FER1L6: variants seen among roughly 807,000 people sequenced by gnomAD.
The protein encoded by FER1L6 is fer-1 like family member 6, also known as fer-1-like protein 6.
A neutral mutation model predicts 219.2 loss-of-function variants in FER1L6; 177 were observed. That is an observed-to-expected ratio of 0.81 (90% CI 0.71 to 0.91). FER1L6 has a LOEUF of 0.91. Ranked by LOEUF, FER1L6 falls within the 40% of genes least tolerant of loss-of-function variation. FER1L6 has a pLI of 0.00. For synonymous variants in FER1L6, 768 were observed against 824.3 expected, an observed-to-expected ratio of 0.93 and a Z score of 1.17; for missense variants, 2,153 against 2,259.9, an observed-to-expected ratio of 0.95 and a Z score of 0.96.
In FER1L6 at chr8:123,993,160, C is replaced by T. The variant is rs183275948; in HGVS notation, c.1519+6984C>T. On this transcript the variant is annotated intron_variant, in intron 12 of 40. Coordinates refer to ENST00000522917, the MANE Select transcript of FER1L6 (RefSeq NM_001039112.2). Reference sequence around the variant, plus strand: ...TGTGCTGATAAGAAGAATGTATATCCGGCCGGGCGCGGTGGCTCACGCCTG... The same window carrying T: ...TGTGCTGATAAGAAGAATGTATATCTGGCCGGGCGCGGTGGCTCACGCCTG... 4.8e-3 allele frequency among the ~76,000 whole-genome samples: 733 copies of T among 152,200 alleles called. 3 individuals are homozygous for T. The highest frequency in any genetic ancestry group is 0.012 in the African/African-American group (495 of 41,544).
At chr8:124,067,357 T>C (rs948853180) in intron 27 of FER1L6, among the ~76,000 whole-genome samples, 9 of 152,226 alleles carry the variant, frequency 5.9e-5, no homozygotes, top group African/African-American at 2.2e-4. Context: ...CCTTTCCCCT[T>C]TCTCTGCTAA....
chr8:123,986,290 T>A (rs1396077997), intron 12 of FER1L6, 114 bp downstream of exon 12: 1 of 629,016 alleles, frequency 1.6e-6, no homozygotes, highest in Admixed American at 2.9e-5. Context: ...GAGGTTTGCA[T>A]CTCAGAATGA....
At chr8:123,903,697 A>G (rs1194458884) in intron 1 of FER1L6, among the ~76,000 whole-genome samples, 1 of 152,116 alleles carries the variant, frequency 6.6e-6, no homozygotes, top group African/African-American at 2.4e-5. Context: ...TATGAAGTCT[A>G]CGCTTACGTA....
intron 1 of FER1L6, among the ~76,000 whole-genome samples, chr8:123,908,648 T>C (rs1813000347): frequency 6.6e-6 from 1 of 152,238 alleles, no homozygotes; most frequent in African/African-American, 2.4e-5. Flanking sequence ...TAACCATATC[T>C]TAGGCAGTGT....
At chr8:124,003,659 G>T (rs1376251548) in intron 13 of FER1L6, among the ~76,000 whole-genome samples, 1 of 151,764 alleles carries the variant, frequency 6.6e-6, no homozygotes. Context: ...AGTAGAGATG[G>T]AGTTTCACTG....
chr8:124,087,038 T>C (rs1821813742), intron 33 of FER1L6, among the ~76,000 whole-genome samples: 2 of 152,222 alleles, frequency 1.3e-5, no homozygotes, highest in Non-Finnish European at 2.9e-5. Flanking sequence ...CTTTGGGAGT[T>C]TGATTATTAA....
intron 2 of FER1L6, among the ~76,000 whole-genome samples, chr8:123,961,199 G>C (rs1021259534): frequency 6.6e-6 from 1 of 152,142 alleles, no homozygotes; most frequent in Non-Finnish European, 1.5e-5. Flanking sequence ...ATTCAAAACT[G>C]TAGTGAGCTG....
chr8:123,857,351 T>G (rs1029237137), intron 1 of FER1L6, among the ~76,000 whole-genome samples: 1 of 151,928 alleles, frequency 6.6e-6, no homozygotes, highest in African/African-American at 2.4e-5. Context: ...ACAAAAAAAT[T>G]TTTTAAAAAT....
At chr8:124,022,283 GAAT>G (rs1403928721) in intron 17 of FER1L6, among the ~76,000 whole-genome samples, 2 of 152,212 alleles carry the variant, frequency 1.3e-5, no homozygotes, top group Non-Finnish European at 2.9e-5. Flanking sequence ...ATAGGAATTT[GAAT>G]AAGCACTCAG....
At chr8:124,112,944 A>G (rs1432547945) in intron 39 of FER1L6, among the ~76,000 whole-genome samples, 1 of 152,184 alleles carries the variant, frequency 6.6e-6, no homozygotes, top group Non-Finnish European at 1.5e-5. Flanking sequence ...AATAGCACAC[A>G]TATGTATACC....
intron 1 of FER1L6, among the ~76,000 whole-genome samples, chr8:123,902,674 G>A (rs1812879991): frequency 6.6e-6 from 1 of 152,106 alleles, no homozygotes; most frequent in Admixed American, 6.6e-5. Context: ...GTTTATGTGA[G>A]TCCTTATGTG....
chr8:123,854,073 T>A (rs898477262), intron 1 of FER1L6, among the ~76,000 whole-genome samples: 1 of 152,164 alleles, frequency 6.6e-6, no homozygotes, highest in Non-Finnish European at 1.5e-5. Flanking sequence ...AGTCTCTTCA[T>A]CTATAAAATG....
chr8:124,052,660 C>G (rs958449390), intron 22 of FER1L6, among the ~76,000 whole-genome samples: 9 of 152,118 alleles, frequency 5.9e-5, no homozygotes, highest in Non-Finnish European at 5.9e-5. Context: ...TGGCGCACAT[C>G]TGTAATCCCA....
intron 1 of FER1L6, chr8:123,939,036 A>G: frequency 2.2e-6 from 1 of 445,402 alleles, no homozygotes; most frequent in Non-Finnish European, 3.0e-6. Flanking sequence ...TTGCACATTC[A>G]TCTGAGCATA....
chr8:123,870,422 A>T (rs1473116340), intron 1 of FER1L6, among the ~76,000 whole-genome samples: 1 of 152,200 alleles, frequency 6.6e-6, no homozygotes, highest in Non-Finnish European at 1.5e-5. Context: ...AGGTGAGTGG[A>T]TAAAAAAGCT....
At position 124,071,465 on chromosome 8, in the gene FER1L6, A is replaced by G. The variant is rs374038700; in HGVS notation, c.3967-41A>G. The stretch of plus-strand genomic sequence containing the variant: ...CTCTCTGTGGGTTTTGGTGGGACAT[A>G]TGACCATCTCATTTCAATGGGTTGC... On this transcript the variant is annotated intron_variant, in intron 30 of 40. Coordinates refer to ENST00000522917, the MANE Select transcript of FER1L6 (RefSeq NM_001039112.2). 14 of 1,611,566 alleles carry G rather than the reference A, an allele frequency of 8.7e-6. No individual in the cohort carries two copies. The African/African-American group carries it at 1.5e-4, about 17-fold the overall frequency.
chr8:123,942,260 A>G (rs1460733311), intron 1 of FER1L6, among the ~76,000 whole-genome samples: 1 of 152,108 alleles, frequency 6.6e-6, no homozygotes, highest in African/African-American at 2.4e-5. Flanking sequence ...AGAGGCTCCT[A>G]CACCATTGCC....
chr8:124,051,345 C>T (rs971291374), intron 22 of FER1L6, among the ~76,000 whole-genome samples: 2 of 152,014 alleles, frequency 1.3e-5, no homozygotes, highest in Non-Finnish European at 2.9e-5. Context: ...AAAGTACCAC[C>T]AGGCACCTCC....
chr8:123,942,555 G>A (rs1039252360), intron 1 of FER1L6, among the ~76,000 whole-genome samples: 3 of 152,174 alleles, frequency 2.0e-5, no homozygotes, highest in Non-Finnish European at 2.9e-5. Flanking sequence ...AGACGATGGG[G>A]GAGAATCCTT....
Sources: gnomAD v4.1 joint callset for allele counts (sites outside exome capture counted in the v4.1 genomes callset) on GRCh38, gnomAD v4.1.1 for gene constraint, MANE v1.5 for transcripts, NCBI Gene and HGNC (gene_info 2026-07-23, HGNC 2026-07-21) for gene names.